SEM1: variants seen among roughly 807,000 people sequenced by gnomAD.
SEM1 encodes SEM1 26S proteasome subunit, also known as 26S proteasome complex subunit SEM1.
In SEM1, 3 loss-of-function variants were observed where a neutral mutation model predicts 12.7. That is an observed-to-expected ratio of 0.24 (90% confidence interval 0.11 to 0.61). SEM1 has a LOEUF of 0.61. Ranked by LOEUF, SEM1 falls within the 20% of genes least tolerant of loss-of-function variation. The pLI is 0.88. For synonymous variants in SEM1, 30 were observed against 27.8 expected (o/e 1.08, Z -0.25); for missense variants, 59 against 81.3 (o/e 0.73, Z 1.06).
At chr7:96,537,921 T>TTA (rs1804836289) in intron 2 of SEM1, among the ~76,000 whole-genome samples, 1 of 151,788 alleles carries the variant, frequency 6.6e-6, no homozygotes, top group Non-Finnish European at 1.5e-5. Context: ...TATGGAGATA[T>TTA]TATGCCTTTT....
chr7:96,702,806 G>GGT (rs1790310037), intron 1 of SEM1, among the ~76,000 whole-genome samples: 1 of 152,162 alleles, frequency 6.6e-6, no homozygotes, highest in Non-Finnish European at 1.5e-5. Flanking sequence ...TGAGAATAAT[G>GGT]TTCCACCTAA....
chr7:96,554,931 T>G (rs1805430410), intron 2 of SEM1, among the ~76,000 whole-genome samples: 1 of 130,534 alleles, frequency 7.7e-6, no homozygotes, highest in African/African-American at 2.6e-5. Flanking sequence ...CTTGGGAGAG[T>G]GCATGTGTCC....
chr7:96,694,440 G>C (rs1790027970), intron 2 of SEM1, among the ~76,000 whole-genome samples: 1 of 151,932 alleles, frequency 6.6e-6, no homozygotes, highest in African/African-American at 2.4e-5. Context: ...ATTCCAGTTT[G>C]AGAATCACCA....
At chr7:96,505,177 A>G (rs1289924538) in intron 3 of SEM1, among the ~76,000 whole-genome samples, 2 of 151,958 alleles carry the variant, frequency 1.3e-5, no homozygotes, top group Admixed American at 1.3e-4. Context: ...ATCTCAGCTC[A>G]CTGCAACCTC....
intron 2 of SEM1, among the ~76,000 whole-genome samples, chr7:96,596,528 T>C (rs1439548456): frequency 6.6e-6 from 1 of 152,194 alleles, no homozygotes; most frequent in Admixed American, 6.5e-5. Context: ...TATTTTTTTC[T>C]TTGAAGTATA....
chr7:96,616,345 GAAAAAT>G (rs1014732078), intron 2 of SEM1, among the ~76,000 whole-genome samples: 1 of 151,920 alleles, frequency 6.6e-6, no homozygotes, highest in Non-Finnish European at 1.5e-5. Context: ...GTCCTCTTTT[GAAAAAT>G]GTCTGTTTAT....
At chr7:96,551,421 C>T (rs1335689360) in intron 2 of SEM1, among the ~76,000 whole-genome samples, 4 of 152,048 alleles carry the variant, frequency 2.6e-5, no homozygotes, top group Admixed American at 6.6e-5. Flanking sequence ...ACACAGAGGC[C>T]GGGTGCAGTG....
intron 2 of SEM1, among the ~76,000 whole-genome samples, chr7:96,571,601 T>C (rs1806031900): frequency 6.6e-6 from 1 of 151,528 alleles, no homozygotes; most frequent in Admixed American, 6.6e-5. Flanking sequence ...TATATACATA[T>C]ATATATACAT....
At chr7:96,561,501 C>T (rs953802775) in intron 2 of SEM1, among the ~76,000 whole-genome samples, 1 of 152,152 alleles carries the variant, frequency 6.6e-6, no homozygotes, top group Non-Finnish European at 1.5e-5. Flanking sequence ...CTCAAACCTT[C>T]GACGCCTATA....
chr7:96,519,795 T>A (rs950367261), intron 2 of SEM1, among the ~76,000 whole-genome samples: 1 of 152,124 alleles, frequency 6.6e-6, no homozygotes, highest in Non-Finnish European at 1.5e-5. Context: ...TACACACTTA[T>A]CCATGCAGGT....
At chr7:96,671,085 G>A (rs1314639055), downstream of SEM1, among the ~76,000 whole-genome samples, 3 of 152,238 alleles carry the variant, frequency 2.0e-5, no homozygotes, top group African/African-American at 7.2e-5. Flanking sequence ...TTCATAATAT[G>A]CTGACTCAGT....
intron 2 of SEM1, among the ~76,000 whole-genome samples, chr7:96,611,132 C>A (rs764925301): frequency 1.2e-4 from 18 of 152,156 alleles, no homozygotes; most frequent in Non-Finnish European, 2.4e-4. Flanking sequence ...CTCATTTTTT[C>A]TAAAAATCAT....
chr7:96,531,907 A>G (rs1211970778), intron 2 of SEM1, among the ~76,000 whole-genome samples: 4 of 152,052 alleles, frequency 2.6e-5, no homozygotes, highest in Non-Finnish European at 5.9e-5. Context: ...TTTCATTTTT[A>G]TCCCTATTAA....
chr7:96,578,806 A>C (rs1806291304), intron 2 of SEM1, among the ~76,000 whole-genome samples: 1 of 152,166 alleles, frequency 6.6e-6, no homozygotes, highest in African/African-American at 2.4e-5. Context: ...CCAGAGCCAG[A>C]CCCTTTGCTA....
At chr7:96,674,237 T>C (rs1002338283) in intron 2 of SEM1, among the ~76,000 whole-genome samples, 1 of 152,228 alleles carries the variant, frequency 6.6e-6, no homozygotes, top group Admixed American at 6.5e-5. Flanking sequence ...AGATCTATAA[T>C]TATGGTCATC....
chr7:96,494,876 T>C (rs918789707), intron 1 of SEM1, among the ~76,000 whole-genome samples: 1 of 113,988 alleles, frequency 8.8e-6, no homozygotes, highest in Non-Finnish European at 1.8e-5. Context: ...AGAGAGATAA[T>C]GAGAGAGAAG....
At chr7:96,510,526 A>G (rs939920298) in intron 2 of SEM1, among the ~76,000 whole-genome samples, 2 of 152,184 alleles carry the variant, frequency 1.3e-5, no homozygotes, top group Non-Finnish European at 2.9e-5. Flanking sequence ...CCACTATCAT[A>G]TATGTGGTTC....
At chr7:96,490,912 A>G (rs1204464792) in intron 1 of SEM1, among the ~76,000 whole-genome samples, 1 of 152,194 alleles carries the variant, frequency 6.6e-6, no homozygotes, top group African/African-American at 2.4e-5. Context: ...CTGCAGTGGC[A>G]GTGGATACAG....
chr7:96,533,700 C>G (rs1007874566), intron 2 of SEM1, among the ~76,000 whole-genome samples: 3 of 151,930 alleles, frequency 2.0e-5, no homozygotes, highest in East Asian at 3.9e-4. Flanking sequence ...TGGGGGGTCC[C>G]TAAGATACTT....
Sources: allele counts gnomAD v4.1 joint callset (sites outside exome capture counted in the v4.1 genomes callset), GRCh38; gene constraint gnomAD v4.1.1; transcripts MANE v1.5; gene names NCBI Gene and HGNC (gene_info 2026-07-23, HGNC 2026-07-21).